The following KIRREL3 variants were observed in gnomAD, a reference collection of about 807,000 sequenced individuals.
KIRREL3 encodes the protein kirre like nephrin family adhesion molecule 3.
KIRREL3 carries 36 observed loss-of-function variants against 89.7 expected under a neutral mutation model. That is an observed-to-expected ratio of 0.40 (90% CI 0.31 to 0.53). The LOEUF is 0.53. KIRREL3 is among the 20% of genes least tolerant of loss of function. KIRREL3 has a pLI of 0.49. For missense variants in KIRREL3, 864 were observed against 1,056.6 expected (o/e 0.82, Z 2.53); for synonymous variants, 445 against 441.4 (o/e 1.01, Z -0.10).
intron 2 of KIRREL3, among the ~76,000 whole-genome samples, chr11:126,556,175 C>G (rs1207511706): frequency 6.6e-6 from 1 of 152,034 alleles, no homozygotes; most frequent in Non-Finnish European, 1.5e-5. Flanking sequence ...ATGATAGATG[C>G]AAGGAGCCAG....
chr11:126,559,968 C>A lies in KIRREL3; in HGVS notation c.133+2867G>T, dbSNP rs530945774. Reference sequence around the variant, plus strand: ...AGAGTGCTGGGATTACAGGCATGAGCCATCGTGCCTGGCTTGTGTCTTATT... The same window carrying A: ...AGAGTGCTGGGATTACAGGCATGAGACATCGTGCCTGGCTTGTGTCTTATT... On this transcript the variant is annotated intron_variant, in intron 2 of 16. Coordinates refer to ENST00000525144, the MANE Select transcript of KIRREL3 (RefSeq NM_032531.4). Among the ~76,000 whole-genome samples the A allele has an allele frequency of 5.9e-5, 9 of 152,260 alleles. No individual in the cohort carries two copies. The South Asian group carries it at 1.9e-3, about 32-fold the overall frequency.
intron 1 of KIRREL3, among the ~76,000 whole-genome samples, chr11:126,950,031 G>GT (rs962425831): frequency 8.5e-5 from 13 of 152,084 alleles, no homozygotes; most frequent in Non-Finnish European, 1.5e-4. Flanking sequence ...TTTCTTCCTT[G>GT]TTTTTTTTAA....
At position 126,999,163 on chromosome 11, in the gene KIRREL3, T is replaced by C. The variant is rs1229456756; in HGVS notation, c.55+1292A>G. On this transcript the variant is annotated intron_variant, in intron 1 of 16. Coordinates refer to ENST00000525144, the MANE Select transcript of KIRREL3 (RefSeq NM_032531.4). This position sits in a 1 kb window ranked among gnomAD's most constrained non-coding sequence, Gnocchi z 5.7. The stretch of plus-strand genomic sequence containing the variant: ...ATGAATACATGAGTGTGTGTGTGTG[T>C]GTGTGTGTACATACATTATCATTAT... Among the ~76,000 whole-genome samples, 1 of 151,954 alleles carries C rather than the reference T, an allele frequency of 6.6e-6. No individual in the cohort carries two copies. The highest frequency in any genetic ancestry group is 1.5e-5 in the Non-Finnish European group (1 of 68,002).
rs1363993168 is a variant in KIRREL3 at position 126,666,395 on chromosome 11, C to G, written c.56-103483G>C. Among the ~76,000 whole-genome samples, 1 of 152,190 alleles carries G rather than the reference C, an allele frequency of 6.6e-6. No individual in the cohort carries two copies. The highest frequency in any genetic ancestry group is 1.5e-5 in the Non-Finnish European group (1 of 68,032). ...AGAAAAAGTGGGGGTAATCCACCAA[C>G]TGTCTAACCATTTCCTGAAAAATAG... On this transcript the variant is annotated intron_variant, in intron 1 of 16. Coordinates refer to ENST00000525144, the MANE Select transcript of KIRREL3 (RefSeq NM_032531.4). This position sits in a 1 kb window ranked among gnomAD's most constrained non-coding sequence, Gnocchi z 4.2.
At position 126,528,480 on chromosome 11, in the gene KIRREL3, G is replaced by A. The variant is rs76708288; in HGVS notation, c.134-1793C>T. On this transcript the variant is annotated intron_variant, in intron 2 of 16. Coordinates refer to ENST00000525144, the MANE Select transcript of KIRREL3 (RefSeq NM_032531.4). The surrounding 1 kb of genome is among the most constrained non-coding windows in gnomAD (Gnocchi z 4.6). ...GAGAGCTGGGGACAGGCAGGAAGGT[G>A]GCCGAGTTCACAACCTGACAAGATC... Among the ~76,000 whole-genome samples, 200 of 152,338 alleles carry A rather than the reference G, an allele frequency of 1.3e-3. 3 individuals are homozygous for A. In the East Asian group the frequency reaches 0.038, roughly 29 times the overall value.
Position 126,917,520 on chromosome 11 carries a change from CAAAAAT to C in KIRREL3, c.55+82929_55+82934del, listed in dbSNP as rs543387885. 9.9e-4 allele frequency among the ~76,000 whole-genome samples: 151 copies of C among 152,202 alleles called. No individual in the cohort carries two copies. Among genetic ancestry groups the C allele is most frequent in the African/African-American group, 3.5e-3 (146 of 41,532 alleles). ...AAAACAAGGAAAAACCTGCAAACAACAAAAATCTTTCCAAACCACGTAGCACCTCCA... is the reference window on the plus strand; with the variant it reads ...AAAACAAGGAAAAACCTGCAAACAACCTTTCCAAACCACGTAGCACCTCCA... On this transcript the variant is annotated intron_variant, in intron 1 of 16. Transcript: ENST00000525144. The surrounding 1 kb of genome is among the most constrained non-coding windows in gnomAD (Gnocchi z 5.0).
rs995155248 is a variant in KIRREL3, at chr11:126,924,981, A to G, written c.55+75474T>C. Among the ~76,000 whole-genome samples, 38 of 151,876 alleles carry G rather than the reference A, an allele frequency of 2.5e-4. No homozygotes were observed. Among genetic ancestry groups the G allele is most frequent in the African/African-American group, 8.9e-4 (37 of 41,440 alleles). On this transcript the variant is annotated intron_variant, in intron 1 of 16. Transcript: ENST00000525144. This position sits in a 1 kb window ranked among gnomAD's most constrained non-coding sequence, Gnocchi z 4.7. ...GGAGGTTGGGATAAAATTGAAAAAAAAAAAAAACAGTCCTAGGAGTTATGC... is the reference window on the plus strand; with the variant it reads ...GGAGGTTGGGATAAAATTGAAAAAAGAAAAAAACAGTCCTAGGAGTTATGC...
chr11:126,687,551 A>C lies in KIRREL3; in HGVS notation c.56-124639T>G, dbSNP rs1463079970. 1.3e-5 allele frequency among the ~76,000 whole-genome samples: 2 copies of C among 152,196 alleles called. No individual in the cohort carries two copies. Among genetic ancestry groups the C allele is most frequent in the Non-Finnish European group, 1.5e-5 (1 of 68,038 alleles). On this transcript the variant is annotated intron_variant, in intron 1 of 16. Coordinates refer to ENST00000525144, the MANE Select transcript of KIRREL3 (RefSeq NM_032531.4). This position sits in a 1 kb window ranked among gnomAD's most constrained non-coding sequence, Gnocchi z 4.6. The stretch of plus-strand genomic sequence containing the variant: ...GGGGGAAATTGCAGGGTTTTCTATT[A>C]GTTTGAAGGAGGTCTACTTCCTAAG...
Position 126,633,286 on chromosome 11 carries a change from T to C in KIRREL3, c.56-70374A>G, listed in dbSNP as rs1031524246. Among the ~76,000 whole-genome samples the C allele has an allele frequency of 3.9e-5, 6 of 152,086 alleles. No homozygotes were observed. The East Asian group carries it at 1.2e-3, about 29-fold the overall frequency. ...GGTCAATAAGTGCAGCAAACCACCA[T>C]GGCACACGTATCCCTATGGAACAAA... On this transcript the variant is annotated intron_variant, in intron 1 of 16. Coordinates refer to ENST00000525144, the MANE Select transcript of KIRREL3 (RefSeq NM_032531.4).
Position 126,694,262 on chromosome 11 carries a change from T to C in KIRREL3, c.56-131350A>G, listed in dbSNP as rs1224903302. On this transcript the variant is annotated intron_variant, in intron 1 of 16. Transcript: ENST00000525144. The surrounding 1 kb of genome is among the most constrained non-coding windows in gnomAD (Gnocchi z 4.4). ...CTCCTAGCTCATCAAACCTTGGAAA[T>C]GCTCACTGCAAATGGTTGTTCTTGT... 2.0e-5 allele frequency among the ~76,000 whole-genome samples: 3 copies of C among 152,244 alleles called. No homozygotes were observed. Among genetic ancestry groups the C allele is most frequent in the African/African-American group, 7.2e-5 (3 of 41,480 alleles).
rs1259747629 is a variant in KIRREL3 at position 126,640,050 on chromosome 11, T to C, written c.56-77138A>G. Among the ~76,000 whole-genome samples the C allele has an allele frequency of 1.3e-5, 2 of 152,146 alleles. No individual in the cohort carries two copies. The highest frequency in any genetic ancestry group is 4.8e-5 in the African/African-American group (2 of 41,422). ...TTACGATCAGTACTGTGACAATGAA[T>C]ATGAAATGAACGTGCCCAGAGAAGA... On this transcript the variant is annotated intron_variant, in intron 1 of 16. Coordinates refer to ENST00000525144, the MANE Select transcript of KIRREL3 (RefSeq NM_032531.4). The surrounding 1 kb of genome is among the most constrained non-coding windows in gnomAD (Gnocchi z 4.9).
chr11:126,921,175 C>T (rs1947259383), intron 1 of KIRREL3, among the ~76,000 whole-genome samples: 1 of 152,162 alleles, frequency 6.6e-6, no homozygotes, highest in Non-Finnish European at 1.5e-5. Flanking sequence ...GTTCTCCAAC[C>T]TATAGACTCT....
chr11:126,863,415 G>A (rs1261751805), intron 1 of KIRREL3, among the ~76,000 whole-genome samples: 3 of 39,536 alleles, frequency 7.6e-5, no homozygotes, highest in Admixed American at 2.8e-4. Context: ...GAGTGCGTGT[G>A]TGAGCGCATG....
rs781053544 is a variant in KIRREL3, at chr11:126,729,232, C to T, written c.56-166320G>A. ...AGGACAGACCCAGTAGACTGTGGCT[C>T]AGCCTTTCTTGGGAAGCAGACTTCT... On this transcript the variant is annotated intron_variant, in intron 1 of 16. Transcript: ENST00000525144. The surrounding 1 kb of genome is among the most constrained non-coding windows in gnomAD (Gnocchi z 4.5). Among the ~76,000 whole-genome samples, 7 of 152,244 alleles carry T rather than the reference C, an allele frequency of 4.6e-5. No individual in the cohort carries two copies. The highest frequency in any genetic ancestry group is 1.0e-4 in the Non-Finnish European group (7 of 68,040).
At position 126,614,194 on chromosome 11, in the gene KIRREL3, G is replaced by A. The variant is rs546072843; in HGVS notation, c.56-51282C>T. Reference sequence around the variant, plus strand: ...TGCGCTTTAAGGGTTGGAAAAGTTCGATCTATTGTCGATTTCTCTATGGTA... The same window carrying A: ...TGCGCTTTAAGGGTTGGAAAAGTTCAATCTATTGTCGATTTCTCTATGGTA... On this transcript the variant is annotated intron_variant, in intron 1 of 16. Transcript: ENST00000525144. The surrounding 1 kb of genome is among the most constrained non-coding windows in gnomAD (Gnocchi z 4.6). Among the ~76,000 whole-genome samples the A allele has an allele frequency of 9.9e-5, 15 of 152,068 alleles. No homozygotes were observed. Among genetic ancestry groups the A allele is most frequent in the Admixed American group, 3.9e-4 (6 of 15,256 alleles).
intron 1 of KIRREL3, among the ~76,000 whole-genome samples, chr11:126,838,605 A>G (rs112695663): frequency 0.013 from 2,046 of 152,312 alleles, 48 homozygotes; most frequent in African/African-American, 0.047. Flanking sequence ...CTGAGTCCAT[A>G]TTCAGCATGG....
intron 1 of KIRREL3, among the ~76,000 whole-genome samples, chr11:126,753,829 A>C (rs925578288): frequency 6.6e-6 from 1 of 152,216 alleles, no homozygotes; most frequent in Non-Finnish European, 1.5e-5. Context: ...GGCTCCATGC[A>C]TCTTCATTAC....
chr11:126,831,941 G>A (rs1265325903), intron 1 of KIRREL3, among the ~76,000 whole-genome samples: 3 of 152,186 alleles, frequency 2.0e-5, no homozygotes, highest in African/African-American at 7.2e-5. Context: ...AGAACTGGTT[G>A]ACACACAGAT....
At chr11:126,547,140 A>G (rs1177835869) in intron 2 of KIRREL3, among the ~76,000 whole-genome samples, 1 of 152,222 alleles carries the variant, frequency 6.6e-6, no homozygotes, top group Non-Finnish European at 1.5e-5. Context: ...TGTTTGACAA[A>G]GCTCACACAA....
Sources: gnomAD v4.1 joint callset for allele counts (sites outside exome capture counted in the v4.1 genomes callset) on GRCh38, gnomAD v4.1.1 for gene constraint, Gnocchi (gnomAD v3.1) non-coding constraint, MANE v1.5 for transcripts, NCBI Gene and HGNC (gene_info 2026-07-23, HGNC 2026-07-21) for gene names.